MROH1: variants seen among roughly 807,000 people sequenced by gnomAD.
MROH1 encodes maestro heat-like repeat-containing protein family member 1.
MROH1 carries 117 observed loss-of-function variants against 116.5 expected under a neutral mutation model. That is an observed-to-expected ratio of 1.00 (90% CI 0.86 to 1.17). The LOEUF (loss-of-function observed/expected upper bound fraction) is 1.17. Among genes scored for constraint, MROH1 ranks in the 50% most tolerant of loss-of-function variants. MROH1 has a pLI of 0.00. For synonymous variants in MROH1, 921 were observed against 583.9 expected, an observed-to-expected ratio of 1.58 and a Z score of -8.32; for missense variants, 1,873 against 1,338.5, an observed-to-expected ratio of 1.40 and a Z score of -6.23.
intron 3 of MROH1, among the ~76,000 whole-genome samples, chr8:144,166,261 G>A (rs906103642): frequency 3.3e-5 from 5 of 152,206 alleles, no homozygotes; most frequent in African/African-American, 1.2e-4. Context: ...TCACATTGGG[G>A]GTTAAGTTCC....
At chr8:144,165,310 G>T (rs902937836) in intron 3 of MROH1, among the ~76,000 whole-genome samples, 7 of 151,942 alleles carry the variant, frequency 4.6e-5, no homozygotes, top group African/African-American at 1.5e-4. Context: ...GTAGAGATGG[G>T]GTTTCACCAG....
intron 7 of MROH1, among the ~76,000 whole-genome samples, chr8:144,189,453 G>A (rs1159100420): frequency 6.6e-6 from 1 of 152,168 alleles, no homozygotes; most frequent in East Asian, 1.9e-4. Flanking sequence ...CATCACCTGA[G>A]TTCGGCCCAT....
chr8:144,227,220 T>C (rs1275893945), intron 14 of MROH1, among the ~76,000 whole-genome samples: 1 of 152,250 alleles, frequency 6.6e-6, no homozygotes, highest in Non-Finnish European at 1.5e-5. Flanking sequence ...GGGTTAGCTT[T>C]TTTTGTTTTC....
rs145877460 is a variant in MROH1, at chr8:144,192,415, G to A, written c.948+14G>A. 379 of 1,569,776 alleles carry A rather than the reference G, an allele frequency of 2.4e-4. 2 individuals are homozygous for A. In the East Asian group the frequency reaches 7.2e-3, roughly 30 times the overall value. On this transcript the variant is annotated intron_variant, in intron 10 of 43. Coordinates refer to ENST00000326134, the MANE Select transcript of MROH1 (RefSeq NM_032450.3). ...CTGCACTCCCAGGTAGGAGGCGGGC[G>A]TCAGGGGGCGGGTCCAGGTTCTGCA...
intron 11 of MROH1, 70 bp downstream of exon 11, chr8:144,199,270 G>A (rs1365891428): frequency 1.4e-6 from 2 of 1,479,626 alleles, no homozygotes; most frequent in South Asian, 1.2e-5. Flanking sequence ...TGCTGTATGT[G>A]GAGGATGGTG....
Position 144,215,712 on chromosome 8 carries a change from A to C in MROH1, c.1142-4888A>C, listed in dbSNP as rs181461172. Among the ~76,000 whole-genome samples the C allele has an allele frequency of 4.6e-5, 7 of 151,826 alleles. No individual in the cohort carries two copies. In the East Asian group the frequency reaches 1.4e-3, roughly 29 times the overall value. ...CGGTGAAACCCCATCTCTACTAAAA[A>C]TACAATGAAAATTAGCCGGGCGTGG... On this transcript the variant is annotated intron_variant, in intron 12 of 43. Coordinates refer to ENST00000326134, the MANE Select transcript of MROH1 (RefSeq NM_032450.3).
chr8:144,178,455 G>A (rs1221606071), intron 4 of MROH1, among the ~76,000 whole-genome samples: 2 of 148,486 alleles, frequency 1.3e-5, no homozygotes, highest in African/African-American at 5.0e-5. Context: ...TTTTAGTAGA[G>A]ACAGGGTTTC....
intron 14 of MROH1, 61 bp from the exon 15 acceptor site, chr8:144,238,695 G>A (rs1564540999): frequency 1.3e-6 from 1 of 756,172 alleles, no homozygotes; most frequent in Non-Finnish European, 2.4e-6. Flanking sequence ...CGGGCAGGCT[G>A]TGTCCTCAGG....
chr8:144,223,026 G>A (rs1837114899), intron 13 of MROH1, 82 bp from the exon 14 acceptor site: 2 of 1,576,058 alleles, frequency 1.3e-6, no homozygotes, highest in African/African-American at 2.7e-5. Context: ...GTGGGAGGAA[G>A]ACTGAGGTTC....
At position 144,232,462 on chromosome 8, in the gene MROH1, C is replaced by CTTTG. The variant is rs753104982; in HGVS notation, c.1339-6282_1339-6279dup. On this transcript the variant is annotated intron_variant, in intron 14 of 43. Coordinates refer to ENST00000326134, the MANE Select transcript of MROH1 (RefSeq NM_032450.3). ...TTAGTATGGTAGATTAGATTGAGTG[C>CTTTG]TTTGTTTGTTTGTTTATTTATTTAT... Among the ~76,000 whole-genome samples, 327 of 150,818 alleles carry CTTTG rather than the reference C, an allele frequency of 2.2e-3. 1 individual carries two copies. The highest frequency in any genetic ancestry group is 4.0e-3 in the South Asian group (19 of 4,764).
intron 22 of MROH1, among the ~76,000 whole-genome samples, 177 bp downstream of exon 22, chr8:144,241,694 C>T (rs1172011231): frequency 3.3e-5 from 5 of 152,178 alleles, no homozygotes; most frequent in Admixed American, 6.5e-5. Context: ...GTGGGGAGGG[C>T]GGCAGAATGG....
chr8:144,178,177 A>G (rs1181039287), intron 4 of MROH1, among the ~76,000 whole-genome samples: 1 of 37,756 alleles, frequency 2.6e-5, no homozygotes, highest in Non-Finnish European at 1.6e-4. Context: ...TCCGTGGCCC[A>G]GGCTGGAGTG....
In MROH1 at chr8:144,220,617, A is replaced by G. The variant is rs1836508480; in HGVS notation, c.1159A>G (p.Lys387Glu). The change falls in exon 13 of 44, where the codon AAA (lysine) becomes GAA (glutamate). Residue 387 changes from lysine to glutamate, a missense_variant. Transcript: ENST00000326134. The part of the protein sequence containing the change: ...INSAAAQMED[K>E]KPFILSSMRL... ...TCTTGCAGCTGCTCAGATGGAAGAT[A>G]AAAAGCCCTTTATCCTGTCTTCCAT... 5 of 1,577,788 alleles carry G rather than the reference A, an allele frequency of 3.2e-6. No homozygotes were observed. The highest frequency in any genetic ancestry group is 2.3e-5 in the East Asian group (1 of 43,262).
At chr8:144,240,212 C>A in intron 19 of MROH1, 59 bp downstream of exon 19, 1 of 706,588 alleles carries the variant, frequency 1.4e-6, no homozygotes, top group Non-Finnish European at 2.6e-6. Context: ...CTGGGGGGTG[C>A]TGGGGTGGCA....
At position 144,255,568 on chromosome 8, in the gene MROH1, G is replaced by A; in HGVS notation, c.3654G>A (p.Glu1218=). 1.3e-6 allele frequency: 1 copy of A among 779,398 alleles called. No individual in the cohort carries two copies. Among genetic ancestry groups the A allele is most frequent in the Admixed American group, 1.7e-5 (1 of 59,032 alleles). The allele number at this position is 779,398 out of a possible 1,614,324, so 48.3% of individuals were successfully genotyped here. A position where few individuals can be genotyped will look rare whatever the true frequency, so the allele number is the denominator to read the frequency against. Residue 1218 remains glutamate (E), a synonymous_variant, in exon 35 of 44, where the codon GAG becomes GAA. Coordinates refer to ENST00000326134, the MANE Select transcript of MROH1 (RefSeq NM_032450.3). ...CTGCAGCGGGGCCCGCGGTGCTCGA[G>A]CTCTACCCCCAGCTGTTTGTGGTGC... The part of the protein sequence containing the change: ...STPAAGPAVL[E]LYPQLFVVLL...
chr8:144,194,944 A>G (rs1222579447), intron 10 of MROH1, among the ~76,000 whole-genome samples: 1 of 151,572 alleles, frequency 6.6e-6, no homozygotes, highest in Non-Finnish European at 1.5e-5. Context: ...TTTGCCAGTT[A>G]CAAGACCAAC....
intron 14 of MROH1, among the ~76,000 whole-genome samples, chr8:144,236,061 C>A (rs1839986116): frequency 6.6e-6 from 1 of 152,234 alleles, no homozygotes. Context: ...TAGCTGCTTT[C>A]TGGTATAGGG....
chr8:144,242,209 A>G, intron 22 of MROH1, 160 bp from the exon 23 acceptor site: 1 of 730,300 alleles, frequency 1.4e-6, no homozygotes, highest in Admixed American at 1.9e-5. Flanking sequence ...CCCCATCCCC[A>G]GATTCAGGTG....
chr8:144,176,260 G>A (rs940465100), intron 4 of MROH1, among the ~76,000 whole-genome samples: 7 of 150,076 alleles, frequency 4.7e-5, no homozygotes, highest in African/African-American at 1.7e-4. Context: ...GTAGTCCCAG[G>A]TACTCGGGAG....
Sources: gnomAD v4.1 joint callset for allele counts (sites outside exome capture counted in the v4.1 genomes callset) on GRCh38, gnomAD v4.1.1 for gene constraint, MANE v1.5 for transcripts, NCBI Gene and HGNC (gene_info 2026-07-23, HGNC 2026-07-21) for gene names.